Variants in MID1 observed in about 807,000 individuals in gnomAD.
The protein encoded by MID1 is E3 ubiquitin-protein ligase Midline-1.
Under a neutral mutation model 40.4 loss-of-function variants are expected in MID1, and 7 were observed. That is an observed-to-expected ratio of 0.17 (90% CI 0.10 to 0.33). The LOEUF (loss-of-function observed/expected upper bound fraction) is 0.33, where lower values mean the gene tolerates loss of function less well. Among genes scored for constraint, MID1 ranks in the 10% least tolerant of loss-of-function variants. The probability of loss-of-function intolerance (pLI) is 1.00; values close to 1 mark genes in which losing one functional copy is unlikely to be tolerated. For missense variants in MID1, 367 were observed against 558.5 expected (o/e 0.66, Z 3.46); for synonymous variants, 229 against 221.2 (o/e 1.04, Z -0.31).
At chrX:10,528,798 A>C (rs1932886135) in intron 2 of MID1, among the ~76,000 whole-genome samples, 1 of 112,647 alleles carries the variant, frequency 8.9e-6, no homozygotes, top group Non-Finnish European at 1.9e-5. Flanking sequence ...AACCTCTAGG[A>C]AGAATTCTTT....
rs1928175211 is a variant in MID1, at chrX:10,449,264, T to C, written c.*104A>G. ...ATCTGAGCCGATTTCGGGACACTTC[T>C]GGTGAGATTTCATTACACTCATGAA... is the stretch of plus-strand genomic sequence containing the variant. On this transcript the variant is annotated 3_prime_UTR_variant, in exon 10 of 10. Coordinates refer to ENST00000317552, the MANE Select transcript of MID1 (RefSeq NM_000381.4). The C allele has an allele frequency of 1.4e-6, 1 of 704,360 alleles. No individual in the cohort carries two copies. 58.0% of individuals were successfully genotyped at this position (704,360 alleles called of 1,213,427 possible). A position where few individuals can be genotyped will look rare whatever the true frequency, so the allele number is the denominator to read the frequency against.
chrX:10,679,731 G>A (rs907971084), intron 1 of MID1, among the ~76,000 whole-genome samples: 4 of 111,855 alleles, frequency 3.6e-5, no homozygotes, highest in African/African-American at 1.3e-4. Flanking sequence ...ATAGACTTCC[G>A]TGGTTTCTAC....
chrX:10,751,157 C>T (rs2043595675), intron 1 of MID1, among the ~76,000 whole-genome samples: 1 of 108,844 alleles, frequency 9.2e-6, no homozygotes, highest in Non-Finnish European at 1.9e-5. Flanking sequence ...TCCAGCTACT[C>T]GGGAGGCTGA....
At chrX:10,579,093 A>AT (rs1569113618) in intron 1 of MID1, among the ~76,000 whole-genome samples, 1 of 112,125 alleles carries the variant, frequency 8.9e-6, no homozygotes, top group African/African-American at 3.2e-5. Flanking sequence ...CCCCTCAGTC[A>AT]TAGCATCCCT....
chrX:10,594,287 TG>T (rs1935370748), intron 1 of MID1, among the ~76,000 whole-genome samples: 1 of 111,842 alleles, frequency 8.9e-6, no homozygotes, highest in African/African-American at 3.3e-5. Context: ...ATAAAATCAG[TG>T]GGTCCTTATT....
intron 1 of MID1, among the ~76,000 whole-genome samples, chrX:10,754,132 A>AGT (rs2043615871): frequency 8.9e-6 from 1 of 112,121 alleles, no homozygotes; most frequent in Non-Finnish European, 1.9e-5. Context: ...AGAAGAACAG[A>AGT]GTGGTTGGTT....
chrX:10,616,485 T>C (rs1935841053), intron 1 of MID1, among the ~76,000 whole-genome samples: 1 of 111,938 alleles, frequency 8.9e-6, no homozygotes, highest in Non-Finnish European at 1.9e-5. Flanking sequence ...CTTTGTCCAG[T>C]AACTAAATCC....
chrX:10,800,182 G>C (rs903411399), intron 1 of MID1, among the ~76,000 whole-genome samples: 26 of 111,583 alleles, frequency 2.3e-4, no homozygotes, highest in Non-Finnish European at 4.0e-4. Context: ...CATCTTACTA[G>C]CAGACTCTCA....
At chrX:10,762,394 C>G (rs772128326) in intron 1 of MID1, among the ~76,000 whole-genome samples, 1 of 111,375 alleles carries the variant, frequency 9.0e-6, no homozygotes, top group South Asian at 3.8e-4. Flanking sequence ...TTATACTGCT[C>G]TGGACACAAG....
intron 1 of MID1, among the ~76,000 whole-genome samples, chrX:10,758,429 T>C (rs1329661411): frequency 9.2e-6 from 1 of 108,424 alleles, no homozygotes; most frequent in Admixed American, 9.9e-5. Context: ...TCCAAATGAC[T>C]CCATGTTTTC....
chrX:10,771,163 C>T (rs1303311259), intron 1 of MID1, among the ~76,000 whole-genome samples: 1 of 110,196 alleles, frequency 9.1e-6, no homozygotes, highest in African/African-American at 3.3e-5. Flanking sequence ...GGATTTCTAC[C>T]TAGCTTTCAG....
rs968568957 is a variant in MID1 at position 10,793,189 on chromosome X, A to G, written c.-187+40365T>C. On this transcript the variant is annotated intron_variant, in intron 1 of 10. Transcript: ENST00000380785. ...TGTGGAAAGTAGTCATGGACACCTG[A>G]TCTGCTTATATGAGTTAACAACAGA... 4.4e-5 allele frequency among the ~76,000 whole-genome samples: 5 copies of G among 112,687 alleles called. No homozygotes were observed. The Admixed American group carries it at 4.7e-4, about 11-fold the overall frequency.
intron 1 of MID1, among the ~76,000 whole-genome samples, chrX:10,809,930 A>AAAAAT (rs200631683): frequency 3.6e-5 from 4 of 111,197 alleles, no homozygotes; most frequent in East Asian, 5.6e-4. Flanking sequence ...AAAAAATAAT[A>AAAAAT]AAAATAAAAT....
chrX:10,795,503 T>A (rs1301315561), intron 1 of MID1, among the ~76,000 whole-genome samples: 1 of 112,194 alleles, frequency 8.9e-6, no homozygotes, highest in Non-Finnish European at 1.9e-5. Flanking sequence ...CAGCATTGCA[T>A]GCCAAGATTA....
chrX:10,746,643 TTTCTGTATGAGGC>T (rs1374273551), intron 1 of MID1, among the ~76,000 whole-genome samples: 4 of 111,019 alleles, frequency 3.6e-5, no homozygotes, highest in Non-Finnish European at 7.5e-5. Context: ...AAATTCTTCT[TTTCTGTATGAGGC>T]AGAGAAGAAT....
chrX:10,696,408 T>A (rs954921913), intron 1 of MID1, among the ~76,000 whole-genome samples: 2 of 111,228 alleles, frequency 1.8e-5, no homozygotes, highest in Non-Finnish European at 3.8e-5. Context: ...AGGTCAAAGG[T>A]CAAACAATGT....
At chrX:10,654,222 T>C (rs2042853836) in intron 1 of MID1, among the ~76,000 whole-genome samples, 1 of 112,150 alleles carries the variant, frequency 8.9e-6, no homozygotes, top group Admixed American at 9.5e-5. Flanking sequence ...TATAAGTTTA[T>C]TCATGTACTT....
chrX:10,805,780 G>T (rs1240756750), intron 1 of MID1, among the ~76,000 whole-genome samples: 6 of 105,600 alleles, frequency 5.7e-5, no homozygotes, highest in African/African-American at 2.1e-4. Context: ...GTGTGAGATG[G>T]TATCTCATTG....
At chrX:10,660,087 T>A (rs929790247) in intron 1 of MID1, among the ~76,000 whole-genome samples, 3 of 112,109 alleles carry the variant, frequency 2.7e-5, no homozygotes, top group Admixed American at 9.5e-5. Context: ...CCCACAGTCG[T>A]GTCTCTCCCA....
Sources: gnomAD v4.1 joint callset for allele counts (sites outside exome capture counted in the v4.1 genomes callset) on GRCh38, gnomAD v4.1.1 for gene constraint, MANE v1.5 for transcripts, NCBI Gene and HGNC (gene_info 2026-07-23, HGNC 2026-07-21) for gene names.